Variants in TANC2 observed in about 807,000 individuals in gnomAD.
The protein encoded by TANC2 is tetratricopeptide repeat, ankyrin repeat and coiled-coil containing 2, also known as protein TANC2.
TANC2 carries 26 observed loss-of-function variants against 210.5 expected under a neutral mutation model. That is an observed-to-expected ratio of 0.12 (90% CI 0.09 to 0.17). TANC2 has a LOEUF of 0.17. TANC2 is among the 10% of genes least tolerant of loss of function. The pLI is 1.00. For synonymous variants in TANC2, 931 were observed against 967.1 expected, an observed-to-expected ratio of 0.96 and a Z score of 0.69; for missense variants, 2,129 against 2,608.9, an observed-to-expected ratio of 0.82 and a Z score of 4.01.
At chr17:63,406,032 G>A (rs1362686581) in intron 20 of TANC2, 122 bp from the exon 21 acceptor site, 4 of 1,289,950 alleles carry the variant, frequency 3.1e-6, no homozygotes, top group South Asian at 2.8e-5. Context: ...TGGGGGAAGT[G>A]GAAAGATACA....
chr17:63,163,971 A>T (rs979331893), intron 5 of TANC2, among the ~76,000 whole-genome samples: 3 of 152,206 alleles, frequency 2.0e-5, no homozygotes, highest in Non-Finnish European at 2.9e-5. Context: ...GAATAATGTT[A>T]TACTTTGAAA....
intron 2 of TANC2, among the ~76,000 whole-genome samples, chr17:63,052,939 G>A (rs1309433168): frequency 6.6e-6 from 1 of 152,176 alleles, no homozygotes; most frequent in Non-Finnish European, 1.5e-5. Flanking sequence ...ATTTAAAAAT[G>A]TATAAACTAT....
intron 2 of TANC2, among the ~76,000 whole-genome samples, chr17:63,034,609 T>C (rs1398934988): frequency 6.6e-6 from 1 of 152,206 alleles, no homozygotes; most frequent in African/African-American, 2.4e-5. Flanking sequence ...TTCACCATTC[T>C]AGATGCCATT....
chr17:63,342,533 T>C (rs1207706932), intron 12 of TANC2, among the ~76,000 whole-genome samples: 2 of 152,072 alleles, frequency 1.3e-5, no homozygotes, highest in Non-Finnish European at 2.9e-5. Context: ...TCCCAGCACT[T>C]TGGGAGGCCG....
At chr17:62,991,457 C>T (rs1032144807) in intron 1 of TANC2, among the ~76,000 whole-genome samples, 17 of 151,530 alleles carry the variant, frequency 1.1e-4, no homozygotes, top group Middle Eastern at 3.4e-3. Flanking sequence ...GCTAACACGA[C>T]GAAACCCCGT....
chr17:63,201,785 C>G (rs932962677), intron 7 of TANC2, among the ~76,000 whole-genome samples: 4 of 150,202 alleles, frequency 2.7e-5, no homozygotes, highest in Admixed American at 6.6e-5. Context: ...CCGGTAGACT[C>G]TAGGTAAACA....
At chr17:63,291,359 C>T (rs181046721) in intron 9 of TANC2, among the ~76,000 whole-genome samples, 1 of 152,278 alleles carries the variant, frequency 6.6e-6, no homozygotes, top group Admixed American at 6.5e-5. Context: ...CTACCAAAAC[C>T]AAGTCTATAC....
chr17:63,208,612 T>G (rs2041793714), intron 7 of TANC2, among the ~76,000 whole-genome samples: 1 of 152,236 alleles, frequency 6.6e-6, no homozygotes, highest in Non-Finnish European at 1.5e-5. Context: ...GTGATGAATT[T>G]ACAACTGTTT....
intron 8 of TANC2, among the ~76,000 whole-genome samples, chr17:63,256,238 GT>G (rs2043192406): frequency 6.6e-6 from 1 of 152,104 alleles, no homozygotes; most frequent in African/African-American, 2.4e-5. Context: ...ACTTATTGCT[GT>G]AAATTTTCCT....
chr17:63,426,621 T>C (rs1476949451), exon 28 of TANC2: 1 of 152,172 alleles, frequency 6.6e-6, no homozygotes, highest in Non-Finnish European at 1.5e-5. Context: ...AACGCATAAT[T>C]GGACACCAAA....
chr17:63,001,473 T>C (rs1268302170), intron 1 of TANC2, among the ~76,000 whole-genome samples: 1 of 152,054 alleles, frequency 6.6e-6, no homozygotes, highest in Non-Finnish European at 1.5e-5. Context: ...ATGAACTAGG[T>C]GTTGTGGTTA....
chr17:63,242,600 T>G (rs897765901), intron 8 of TANC2, among the ~76,000 whole-genome samples: 1 of 152,088 alleles, frequency 6.6e-6, no homozygotes, highest in Non-Finnish European at 1.5e-5. Flanking sequence ...TTGCATTTAA[T>G]TATAATATAT....
intron 7 of TANC2, among the ~76,000 whole-genome samples, chr17:63,206,817 A>G (rs1255416508): frequency 1.3e-5 from 2 of 152,232 alleles, no homozygotes; most frequent in African/African-American, 4.8e-5. Context: ...TTTGTACAAC[A>G]TTGTGAATAT....
In TANC2 at chr17:63,095,358, A is replaced by G. The variant is rs558335939; in HGVS notation, c.140-3817A>G. 1.7e-4 allele frequency among the ~76,000 whole-genome samples: 26 copies of G among 152,100 alleles called. No individual in the cohort carries two copies. In the South Asian group the frequency reaches 5.0e-3, roughly 29 times the overall value. On this transcript the variant is annotated intron_variant, in intron 3 of 27. Transcript: ENST00000689528. ...GCTAATATTTTTCGTTTTTGTAGAG[A>G]CAGTGTCTTACATTGTTGCCCACAT... is the stretch of plus-strand genomic sequence containing the variant.
intron 1 of TANC2, among the ~76,000 whole-genome samples, chr17:62,975,309 A>G (rs2031937826): frequency 6.6e-6 from 1 of 152,120 alleles, no homozygotes; most frequent in African/African-American, 2.4e-5. Flanking sequence ...ACAGCTAGTT[A>G]GGTTATAGGT....
exon 28 of TANC2, chr17:63,427,325 G>C (rs1333989567): frequency 6.6e-6 from 1 of 152,294 alleles, no homozygotes. Context: ...ACACTTGCTG[G>C]AAAAAGCTTT....
chr17:63,421,081 G>A lies in TANC2; in HGVS notation c.5351G>A (p.Arg1784Gln), dbSNP rs749592806. ...TTGACCAAAGAGGATCTTCCACAGC[G>A]ACCTTCCTCAGCATACCGAGGTGGC... Residue 1784 changes from arginine to glutamine, a missense_variant, in exon 28 of 28, where the codon CGA becomes CAA. Arg to Gln is a conservative substitution (Grantham distance 43). Coordinates refer to ENST00000689528, the Ensembl canonical transcript of TANC2. The surrounding 1 kb of genome is among the most constrained non-coding windows in gnomAD (Gnocchi z 6.9). 6.8e-6 allele frequency: 11 copies of A among 1,613,812 alleles called. No individual in the cohort carries two copies. Among genetic ancestry groups the A allele is most frequent in the Non-Finnish European group, 8.5e-6 (10 of 1,179,896 alleles).
intron 7 of TANC2, among the ~76,000 whole-genome samples, chr17:63,210,584 T>A (rs2041856159): frequency 6.6e-6 from 1 of 152,214 alleles, no homozygotes; most frequent in Admixed American, 6.5e-5. Context: ...AAATTGTGGT[T>A]TATGTAAGAA....
chr17:63,000,143 T>C (rs1453765884), intron 1 of TANC2, among the ~76,000 whole-genome samples: 2 of 152,180 alleles, frequency 1.3e-5, no homozygotes, highest in African/African-American at 4.8e-5. Flanking sequence ...GTTTATTACC[T>C]GAGTGACAAA....
Sources: allele counts gnomAD v4.1 joint callset (sites outside exome capture counted in the v4.1 genomes callset), GRCh38; gene constraint gnomAD v4.1.1; non-coding constraint Gnocchi (gnomAD v3.1); transcripts MANE v1.5; gene names NCBI Gene and HGNC (gene_info 2026-07-23, HGNC 2026-07-21).